The following LRIT3 variants were observed in gnomAD, a reference collection of about 807,000 sequenced individuals.
LRIT3 encodes the protein leucine-rich repeat, immunoglobulin-like domain and transmembrane domain-containing protein 3.
A neutral mutation model predicts 22.6 loss-of-function variants in LRIT3; 14 were observed. That is an observed-to-expected ratio of 0.62 (90% CI 0.41 to 0.97). The LOEUF (loss-of-function observed/expected upper bound fraction) is 0.97, where lower values mean the gene tolerates loss of function less well. Ranked by LOEUF, LRIT3 falls within the 50% of genes least tolerant of loss-of-function variation. The probability of loss-of-function intolerance (pLI) is 0.00; values close to 1 mark genes in which losing one functional copy is unlikely to be tolerated. For synonymous variants in LRIT3, 306 were observed against 304.5 expected (o/e 1.01, Z -0.05); for missense variants, 783 against 803.0 (o/e 0.98, Z 0.30).
At chr4:109,848,340 A>G in intron 1 of LRIT3, 23 bp downstream of exon 1, 3 of 1,178,490 alleles carry the variant, frequency 2.5e-6, no homozygotes, top group Non-Finnish European at 3.2e-6. Context: ...GCTTGTTACT[A>G]AGTGTTCTCA....
rs756641450 is a variant in LRIT3 at position 109,851,556 on chromosome 4, G to T, written c.169G>T (p.Val57Leu). The T allele has an allele frequency of 6.4e-7, 1 of 1,551,698 alleles. No homozygotes were observed. The highest frequency in any genetic ancestry group is 8.7e-7 in the Non-Finnish European group (1 of 1,146,934). The change falls in exon 2 of 4, where the codon GTG (valine) becomes TTG (leucine). Residue 57 changes from valine (V) to leucine (L), a missense_variant. Physicochemically the swap from Val to Leu is conservative, Grantham distance 32 (BLOSUM62 1). Coordinates refer to ENST00000594814, the MANE Select transcript of LRIT3 (RefSeq NM_198506.5). ...GAACGAGCTGCCTACGAACCTCCCC[G>T]TGGACACTGTGAAGCTTCGCATAGA... ...DMNELPTNLP[V>L]DTVKLRIEKT...
At chr4:109,868,003 A>G in intron 3 of LRIT3, 57 bp downstream of exon 3, 3 of 1,511,940 alleles carry the variant, frequency 2.0e-6, no homozygotes, top group Non-Finnish European at 2.7e-6. Flanking sequence ...TGAAGTTAAC[A>G]TCATGTGTTG....
chr4:109,855,110 T>G (rs1560590875), intron 2 of LRIT3, among the ~76,000 whole-genome samples: 1 of 149,638 alleles, frequency 6.7e-6, no homozygotes, highest in Non-Finnish European at 1.5e-5. Context: ...TTTTTCTTTT[T>G]TTCTTTCTTT....
intron 2 of LRIT3, among the ~76,000 whole-genome samples, chr4:109,857,190 A>C (rs1164513584): frequency 6.6e-6 from 1 of 151,850 alleles, no homozygotes; most frequent in Non-Finnish European, 1.5e-5. Flanking sequence ...GTGGTTTAAC[A>C]CAACTTTTAA....
rs1207538766 is a variant in LRIT3, at chr4:109,871,126, T to A, written c.*337T>A. On this transcript the variant is annotated 3_prime_UTR_variant, in exon 4 of 4. Coordinates refer to ENST00000594814, the MANE Select transcript of LRIT3 (RefSeq NM_198506.5). ...GTATTTAAAAATATAGTTTTTTGAGTCATGAGGAAACATTAGCAAAACCAG... is the reference window on the plus strand; with the variant it reads ...GTATTTAAAAATATAGTTTTTTGAGACATGAGGAAACATTAGCAAAACCAG... 5.6e-6 allele frequency: 1 copy of A among 179,276 alleles called. No homozygotes were observed. The highest frequency in any genetic ancestry group is 1.5e-4 in the East Asian group (1 of 6,686). 11.1% of individuals were successfully genotyped at this position (179,276 alleles called of 1,614,324 possible).
chr4:109,866,445 C>G (rs1420570901), intron 2 of LRIT3, among the ~76,000 whole-genome samples: 2 of 152,160 alleles, frequency 1.3e-5, no homozygotes, highest in African/African-American at 4.8e-5. Context: ...GATGTTTGCT[C>G]TGAAGTTCTA....
chr4:109,870,831 C>T lies in LRIT3; in HGVS notation c.*42C>T. ...TGCATGTGAGCTACAAAACTAGCATCTAAGGGTATAATTGACCCTAGGTTT... is the reference window on the plus strand; with the variant it reads ...TGCATGTGAGCTACAAAACTAGCATTTAAGGGTATAATTGACCCTAGGTTT... On this transcript the variant is annotated 3_prime_UTR_variant, in exon 4 of 4. Transcript: ENST00000594814. 1 of 1,527,896 alleles carries T rather than the reference C, an allele frequency of 6.5e-7. No individual in the cohort carries two copies. Among genetic ancestry groups the T allele is most frequent in the Non-Finnish European group, 8.8e-7 (1 of 1,138,234 alleles). The allele number at this position is 1,527,896 out of a possible 1,614,324, so 94.6% of individuals were successfully genotyped here.
chr4:109,851,553 C>T lies in LRIT3; in HGVS notation c.166C>T (p.Pro56Ser). The change falls in exon 2 of 4, where the codon CCC becomes TCC. Residue 56 changes from proline (P) to serine (S), a missense_variant. This residue lies in a region of LRIT3 where 756 missense variants were observed against 753.8 expected (regional missense o/e 1.00). Transcript: ENST00000594814. ...TATGAACGAGCTGCCTACGAACCTC[C>T]CCGTGGACACTGTGAAGCTTCGCAT... Reference protein sequence around the residue: ...MDMNELPTNLPVDTVKLRIEK... With the variant: ...MDMNELPTNLSVDTVKLRIEK... 6.4e-7 allele frequency: 1 copy of T among 1,551,692 alleles called. No homozygotes were observed. The highest frequency in any genetic ancestry group is 1.2e-5 in the South Asian group (1 of 84,050).
chr4:109,854,131 A>G (rs1289237884), intron 2 of LRIT3, among the ~76,000 whole-genome samples: 1 of 152,108 alleles, frequency 6.6e-6, no homozygotes, highest in Non-Finnish European at 1.5e-5. Flanking sequence ...AAGAAAGTCA[A>G]TGGTAGCTTG....
chr4:109,870,149 G>C lies in LRIT3; in HGVS notation c.1400G>C (p.Ser467Thr). 6.2e-7 allele frequency: 1 copy of C among 1,614,200 alleles called. No individual in the cohort carries two copies. Among genetic ancestry groups the C allele is most frequent in the South Asian group, 1.1e-5 (1 of 91,074 alleles). Residue 467 changes from serine (S) to threonine (T), a missense_variant, in exon 4 of 4, where the codon AGT becomes ACT. Physicochemically the swap from Ser to Thr is moderately conservative, Grantham distance 58. Around this residue, in one of 2 missense-constraint regions of LRIT3, gnomAD observed 756 missense variants for 753.8 expected, o/e 1.00. Transcript: ENST00000594814. Reference protein sequence around the residue: ...NGSKLPPASTSKKEELALLDQ... With the variant: ...NGSKLPPASTTKKEELALLDQ... ...AGTAAGCTTCCTCCAGCCAGCACAA[G>C]TAAGAAAGAAGAGCTGGCATTGTTG...
In LRIT3 at chr4:109,859,681, A is replaced by G. The variant is rs188672907; in HGVS notation, c.589+7705A>G. Reference sequence around the variant, plus strand: ...TCATGCATCCGTTTATAGGCTCTCCACAAGGGTCACATTCCATTCCCAGAG... The same window carrying G: ...TCATGCATCCGTTTATAGGCTCTCCGCAAGGGTCACATTCCATTCCCAGAG... On this transcript the variant is annotated intron_variant, in intron 2 of 3. Coordinates refer to ENST00000594814, the MANE Select transcript of LRIT3 (RefSeq NM_198506.5). 7.5e-4 allele frequency among the ~76,000 whole-genome samples: 114 copies of G among 152,308 alleles called. 1 individual carries two copies. The East Asian group carries it at 0.021, about 28-fold the overall frequency.
rs1734117770 is a variant in LRIT3, at chr4:109,848,152, G to A, written c.-50G>A. The A allele has an allele frequency of 4.0e-6, 4 of 999,744 alleles. No individual in the cohort carries two copies. The highest frequency in any genetic ancestry group is 5.2e-6 in the Non-Finnish European group (4 of 776,080). 61.9% of individuals were successfully genotyped at this position (999,744 alleles called of 1,614,324 possible). A position where few individuals can be genotyped will look rare whatever the true frequency, so the allele number is the denominator to read the frequency against. On this transcript the variant is annotated 5_prime_UTR_variant, in exon 1 of 4. An upstream start codon of the reference 5' UTR is lost. Transcript: ENST00000594814. ...ATTCCAGGCATACCAGGTTCTGAATGCTTAGGATTCGGTTTTTACCTTTTG... is the reference window on the plus strand; with the variant it reads ...ATTCCAGGCATACCAGGTTCTGAATACTTAGGATTCGGTTTTTACCTTTTG...
chr4:109,872,156 G>A lies in LRIT3; in HGVS notation c.*1367G>A, dbSNP rs1034615062. 2.0e-5 allele frequency: 3 copies of A among 152,146 alleles called. No individual in the cohort carries two copies. Among genetic ancestry groups the A allele is most frequent in the African/African-American group, 7.2e-5 (3 of 41,414 alleles). The allele number at this position is 152,146 out of a possible 1,614,324, so 9.4% of individuals were successfully genotyped here. ...TGACCCAGACTGAATACATGTATAA[G>A]AAATGGGAAAGATCTCCCAAACTCT... On this transcript the variant is annotated 3_prime_UTR_variant, in exon 4 of 4. Coordinates refer to ENST00000594814, the MANE Select transcript of LRIT3 (RefSeq NM_198506.5).
intron 2 of LRIT3, among the ~76,000 whole-genome samples, chr4:109,854,711 C>T (rs1227180268): frequency 2.6e-5 from 4 of 152,174 alleles, no homozygotes; most frequent in Admixed American, 6.5e-5. Context: ...GTGGGTTTGT[C>T]GTAAATAGCT....
chr4:109,848,996 C>T (rs35426158), intron 1 of LRIT3, among the ~76,000 whole-genome samples: 28,257 of 152,006 alleles, frequency 0.19, 3,130 homozygotes, highest in Admixed American at 0.33. Flanking sequence ...CAAAACAGAA[C>T]TCTTGCTAGC....
At chr4:109,858,114 A>G (rs1178982641) in intron 2 of LRIT3, among the ~76,000 whole-genome samples, 1 of 152,192 alleles carries the variant, frequency 6.6e-6, no homozygotes, top group Non-Finnish European at 1.5e-5. Context: ...GACAACGATC[A>G]TCTACAGAAC....
intron 3 of LRIT3, 27 bp from the exon 4 acceptor site, chr4:109,869,618 A>C: frequency 3.9e-6 from 6 of 1,519,696 alleles, no homozygotes; most frequent in Non-Finnish European, 4.4e-6. Flanking sequence ...TTTGTTCCTC[A>C]CAGACTATAC....
chr4:109,869,978 T>G lies in LRIT3; in HGVS notation c.1229T>G (p.Phe410Cys). Residue 410 changes from phenylalanine to cysteine, a missense_variant, in exon 4 of 4, where the codon TTC becomes TGC. By Grantham distance (205) the Phe-to-Cys change is radical (BLOSUM62 -2). Transcript: ENST00000594814. ...TTGTCTCCTCCCTCTACTGCTTCCT[T>G]CTCTTTATCTCCTTTCTCCTCCTCC... ...STLSPPSTAS[F>C]SLSPFSSSTV... 6.2e-7 allele frequency: 1 copy of G among 1,614,104 alleles called. No homozygotes were observed. Among genetic ancestry groups the G allele is most frequent in the Non-Finnish European group, 8.5e-7 (1 of 1,179,982 alleles).
At chr4:109,852,401 A>G (rs1390017338) in intron 2 of LRIT3, among the ~76,000 whole-genome samples, 1 of 152,224 alleles carries the variant, frequency 6.6e-6, no homozygotes, top group African/African-American at 2.4e-5. Context: ...TGGCATCTTT[A>G]TGCGATAGCA....
Sources: allele counts gnomAD v4.1 joint callset (sites outside exome capture counted in the v4.1 genomes callset), GRCh38; gene constraint gnomAD v4.1.1; regional missense constraint gnomAD v4.1.1; transcripts MANE v1.5; gene names NCBI Gene and HGNC (gene_info 2026-07-23, HGNC 2026-07-21).